Variants in DZIP1 observed in about 807,000 individuals in gnomAD.
DZIP1 encodes cilium assembly protein DZIP1.
DZIP1 carries 97 observed loss-of-function variants against 107.6 expected under a neutral mutation model. That is an observed-to-expected ratio of 0.90 (90% confidence interval 0.77 to 1.07). The LOEUF (loss-of-function observed/expected upper bound fraction) is 1.07, where lower values mean the gene tolerates loss of function less well. DZIP1 is among the 50% of genes least tolerant of loss of function. The pLI is 0.00. For synonymous variants in DZIP1, 390 were observed against 386.4 expected (o/e 1.01, Z -0.11); for missense variants, 1,035 against 1,063.6 (o/e 0.97, Z 0.37).
In DZIP1 at chr13:95,643,592, G is replaced by A. The variant is rs2139528743; in HGVS notation, c.-428+9C>T. 6.5e-6 allele frequency: 1 copy of A among 152,734 alleles called. No individual in the cohort carries two copies. The highest frequency in any genetic ancestry group is 2.1e-4 in the South Asian group (1 of 4,828). The allele number at this position is 152,734 out of a possible 1,614,324, so 9.5% of individuals were successfully genotyped here. On this transcript the variant is annotated intron_variant, in intron 2 of 22. Transcript: ENST00000376829. ...TCCTCCATCTGTTTAAGAGCATCAAGACACCGACCTGGCAGGTCTGTAGAT... is the reference window on the plus strand; with the variant it reads ...TCCTCCATCTGTTTAAGAGCATCAAAACACCGACCTGGCAGGTCTGTAGAT...
Position 95,587,704 on chromosome 13 carries a change from C to A in DZIP1, c.2053G>T (p.Glu685Ter). ...ITTPPFSSEEEQEDDDLIRAY... is the reference protein window; with the variant it reads ...ITTPPFSSEE Reference sequence around the variant, plus strand: ...CGGATGAGGTCGTCGTCCTCCTGCTCCTCCTCTGAACTAAAAGGAGGGGTC... The same window carrying A: ...CGGATGAGGTCGTCGTCCTCCTGCTACTCCTCTGAACTAAAAGGAGGGGTC... Residue 685 changes from glutamate to a stop codon, truncating the protein, a stop_gained, in exon 20 of 23, where the codon GAG (glutamate) becomes TAG (stop). Transcript: ENST00000376829. LOFTEE classifies it high-confidence loss of function. 6.2e-7 allele frequency: 1 copy of A among 1,614,058 alleles called. No individual in the cohort carries two copies. Among genetic ancestry groups the A allele is most frequent in the South Asian group, 1.1e-5 (1 of 91,054 alleles).
intron 13 of DZIP1, among the ~76,000 whole-genome samples, chr13:95,608,431 C>G (rs1366007732): frequency 6.7e-6 from 1 of 148,880 alleles, no homozygotes; most frequent in Non-Finnish European, 1.5e-5. Flanking sequence ...ACCACCCTAA[C>G]TAAATATAGA....
intron 5 of DZIP1, 90 bp from the exon 6 acceptor site, chr13:95,633,411 T>A: frequency 9.0e-7 from 1 of 1,113,838 alleles, no homozygotes; most frequent in Non-Finnish European, 1.3e-6. Context: ...GGCCAGGCAC[T>A]GTGGCTCACG....
chr13:95,587,759 C>G, intron 19 of DZIP1, 30 bp from the exon 20 acceptor site: 1 of 1,600,858 alleles, frequency 6.2e-7, no homozygotes, highest in Non-Finnish European at 8.5e-7. Context: ...GATAGGGGCG[C>G]TGTTTTCGTA....
Position 95,641,397 on chromosome 13 carries a change from C to T in DZIP1, c.495G>A (p.Lys165=), listed in dbSNP as rs1024109243. 17 of 1,614,138 alleles carry T rather than the reference C, an allele frequency of 1.1e-5. No homozygotes were observed. The highest frequency in any genetic ancestry group is 1.4e-5 in the Non-Finnish European group (17 of 1,179,990). ...TGAGCGTCTTGATCTCCCCCGCCTG[C>T]TTGGTGAGCAGCTTCTTGCTCTGCT... ...DGEQSKKLLT[K]QAGEIKTLKE... Residue 165 remains lysine, a synonymous_variant, in exon 5 of 23, where the codon AAG becomes AAA. Coordinates refer to ENST00000376829, the MANE Select transcript of DZIP1 (RefSeq NM_198968.4). The surrounding 1 kb of genome is among the most constrained non-coding windows in gnomAD (Gnocchi z 4.3).
Position 95,589,182 on chromosome 13 carries a change from G to A in DZIP1, c.1999C>T (p.Pro667Ser). 1 of 1,606,384 alleles carries A rather than the reference G, an allele frequency of 6.2e-7. No homozygotes were observed. Among genetic ancestry groups the A allele is most frequent in the South Asian group, 1.1e-5 (1 of 88,772 alleles). Reference sequence around the variant, plus strand: ...ATAGTTGAAGACTTTCTGGGAAAAGGATCTTCCATGACATTTTTCTTAATT... The same window carrying A: ...ATAGTTGAAGACTTTCTGGGAAAAGAATCTTCCATGACATTTTTCTTAATT... ...PKIKKNVMED[P>S]FPRKSSTITT... is the part of the protein sequence containing the mutation. The change falls in exon 19 of 23, where the codon CCT (proline) becomes TCT (serine). Residue 667 changes from proline to serine, a missense_variant. Physicochemically the swap from Pro to Ser is moderately conservative, Grantham distance 74. Coordinates refer to ENST00000376829, the MANE Select transcript of DZIP1 (RefSeq NM_198968.4).
intron 15 of DZIP1, among the ~76,000 whole-genome samples, chr13:95,595,956 G>T (rs1254477521): frequency 6.6e-6 from 1 of 152,108 alleles, no homozygotes; most frequent in Non-Finnish European, 1.5e-5. Context: ...CAGCTCTGAT[G>T]ACAGGTTCAT....
chr13:95,599,273 G>A (rs1432717584), intron 15 of DZIP1, 92 bp downstream of exon 15: 3 of 1,103,190 alleles, frequency 2.7e-6, no homozygotes, highest in African/African-American at 1.6e-5. Flanking sequence ...TTGATGTAGT[G>A]GAATAAAAAC....
At chr13:95,631,297 GA>G (rs1877166038) in intron 6 of DZIP1, among the ~76,000 whole-genome samples, 1 of 151,358 alleles carries the variant, frequency 6.6e-6, no homozygotes, top group Non-Finnish European at 1.5e-5. Flanking sequence ...TCCCTACTAA[GA>G]AAAAAAAGAA....
intron 15 of DZIP1, among the ~76,000 whole-genome samples, chr13:95,594,457 G>A (rs1392561562): frequency 2.0e-5 from 3 of 152,016 alleles, no homozygotes; most frequent in Non-Finnish European, 4.4e-5. Flanking sequence ...CACTCAGTTA[G>A]AATTTATGTA....
intron 5 of DZIP1, among the ~76,000 whole-genome samples, chr13:95,633,992 G>A (rs760622440): frequency 1.3e-5 from 2 of 152,196 alleles, no homozygotes; most frequent in Admixed American, 6.5e-5. Flanking sequence ...AGACAAGGCA[G>A]TGAAAACTAC....
chr13:95,599,566 T>C, intron 14 of DZIP1, 142 bp from the exon 15 acceptor site: 1 of 699,106 alleles, frequency 1.4e-6, no homozygotes, highest in East Asian at 2.7e-5. Context: ...GGAAAAAACG[T>C]TGAGGCAATC....
chr13:95,643,111 T>A lies in DZIP1; in HGVS notation c.-281A>T, dbSNP rs544737158. On this transcript the variant is annotated 5_prime_UTR_variant, in exon 3 of 23. Transcript: ENST00000376829. ...CTAAAATATTTCTAGCAGCGACTTG[T>A]AGACCTCAGGCCTCTCATTTCTATG... 2 of 152,330 alleles carry A rather than the reference T, an allele frequency of 1.3e-5. No homozygotes were observed. Among genetic ancestry groups the A allele is most frequent in the East Asian group, 1.9e-4 (1 of 5,188 alleles). 9.4% of individuals were successfully genotyped at this position (152,330 alleles called of 1,614,324 possible). A position where few individuals can be genotyped will look rare whatever the true frequency, so the allele number is the denominator to read the frequency against.
At chr13:95,610,629 A>T (rs1004118623) in intron 12 of DZIP1, among the ~76,000 whole-genome samples, 3 of 152,144 alleles carry the variant, frequency 2.0e-5, no homozygotes, top group Non-Finnish European at 4.4e-5. Context: ...TAATATCAAT[A>T]ATAATGGCAA....
intron 6 of DZIP1, chr13:95,630,787 G>C: frequency 7.8e-7 from 1 of 1,275,594 alleles, no homozygotes; most frequent in Non-Finnish European, 1.0e-6. Flanking sequence ...GGAAACCAAA[G>C]TAGAAAGTCA....
intron 13 of DZIP1, among the ~76,000 whole-genome samples, chr13:95,608,478 T>C (rs930000345): frequency 1.3e-5 from 2 of 151,164 alleles, no homozygotes; most frequent in African/African-American, 2.4e-5. Flanking sequence ...TTTTCCTGCA[T>C]AGATATTTGA....
chr13:95,632,509 C>T (rs1877307974), intron 6 of DZIP1, among the ~76,000 whole-genome samples: 2 of 152,114 alleles, frequency 1.3e-5, no homozygotes, highest in African/African-American at 2.4e-5. Flanking sequence ...ACCTCGGCTG[C>T]GATTGCAGCC....
intron 15 of DZIP1, among the ~76,000 whole-genome samples, chr13:95,596,866 AC>A (rs1412889576): frequency 6.6e-6 from 1 of 152,236 alleles, no homozygotes; most frequent in African/African-American, 2.4e-5. Context: ...AAATGTTAGC[AC>A]AAGCTGAGGA....
chr13:95,579,638 T>C lies in DZIP1; in HGVS notation c.*2596A>G, dbSNP rs781132703. 6.6e-6 allele frequency: 1 copy of C among 152,292 alleles called. No homozygotes were observed. Among genetic ancestry groups the C allele is most frequent in the East Asian group, 1.9e-4 (1 of 5,188 alleles). The allele number at this position is 152,292 out of a possible 1,614,324, so 9.4% of individuals were successfully genotyped here. A position where few individuals can be genotyped will look rare whatever the true frequency, so the allele number is the denominator to read the frequency against. On this transcript the variant is annotated 3_prime_UTR_variant, in exon 23 of 23. Coordinates refer to ENST00000376829, the MANE Select transcript of DZIP1 (RefSeq NM_198968.4). ...AATCACAACGTGGGTGAATGTAGTA[T>C]TTTCCTGAAGTGTGAAAGACTTAAA...
Sources: gnomAD v4.1 joint callset for allele counts (sites outside exome capture counted in the v4.1 genomes callset) on GRCh38, gnomAD v4.1.1 for gene constraint, Gnocchi (gnomAD v3.1) non-coding constraint, MANE v1.5 for transcripts, NCBI Gene and HGNC (gene_info 2026-07-23, HGNC 2026-07-21) for gene names.